TMTC2: variants seen among roughly 807,000 people sequenced by gnomAD.
TMTC2 encodes the protein protein O-mannosyl-transferase TMTC2.
TMTC2 carries 43 observed loss-of-function variants against 82.4 expected under a neutral mutation model. The ratio of observed to expected loss-of-function variants is 0.52; its 90% confidence interval spans 0.41 to 0.67. The LOEUF (loss-of-function observed/expected upper bound fraction) is 0.67. Among genes scored for constraint, TMTC2 ranks in the 30% least tolerant of loss-of-function variants. The probability of loss-of-function intolerance (pLI) is 0.00; values close to 1 mark genes in which losing one functional copy is unlikely to be tolerated. For missense variants in TMTC2, 919 were observed against 1,012.4 expected, an observed-to-expected ratio of 0.91 and a Z score of 1.25; for synonymous variants, 408 against 381.9, an observed-to-expected ratio of 1.07 and a Z score of -0.80.
chr12:82,945,802 C>T (rs1239621075), intron 4 of TMTC2, among the ~76,000 whole-genome samples: 1 of 152,160 alleles, frequency 6.6e-6, no homozygotes, highest in Non-Finnish European at 1.5e-5. Flanking sequence ...TTGTCTTTCA[C>T]TTAATTTACT....
At chr12:82,915,910 A>G (rs1371633432) in intron 3 of TMTC2, among the ~76,000 whole-genome samples, 3 of 152,218 alleles carry the variant, frequency 2.0e-5, no homozygotes, top group Non-Finnish European at 4.4e-5. Context: ...TTAATAATCA[A>G]GACTGCGTAC....
chr12:82,792,983 T>C (rs1878539361), intron 1 of TMTC2, among the ~76,000 whole-genome samples: 1 of 152,144 alleles, frequency 6.6e-6, no homozygotes, highest in Non-Finnish European at 1.5e-5. Flanking sequence ...ATACATGTTG[T>C]CCAGGCGTTC....
rs564155361 is a variant in TMTC2 at position 82,792,012 on chromosome 12, T to C, written c.84-64998T>C. 3.9e-5 allele frequency among the ~76,000 whole-genome samples: 6 copies of C among 152,310 alleles called. 1 individual carries two copies. Among genetic ancestry groups the C allele is most frequent in the South Asian group, 2.1e-4 (1 of 4,830 alleles). ...CATGCTTTGCTAAGCTGTTCTGATT[T>C]AATCAAGAGTGTTTTTTCTTACCCA... On this transcript the variant is annotated intron_variant, in intron 1 of 11. Coordinates refer to ENST00000321196, the MANE Select transcript of TMTC2 (RefSeq NM_152588.3).
At chr12:83,098,082 A>C (rs1342874027) in intron 11 of TMTC2, among the ~76,000 whole-genome samples, 1 of 152,236 alleles carries the variant, frequency 6.6e-6, no homozygotes, top group Non-Finnish European at 1.5e-5. Flanking sequence ...TTGTGGGACA[A>C]ACTGGAAGCA....
At chr12:83,128,602 A>G (rs1359318541) in intron 11 of TMTC2, among the ~76,000 whole-genome samples, 1 of 152,166 alleles carries the variant, frequency 6.6e-6, no homozygotes, top group Non-Finnish European at 1.5e-5. Context: ...TACCTTTAGA[A>G]CAGTGCTTCT....
Position 82,896,216 on chromosome 12 carries a change from A to T in TMTC2, c.1053A>T (p.Gly351=). ...TVTNGKQNAN[G]HSCLSDVEYQ... ...CAAATGGCAAGCAGAATGCAAATGG[A>T]CATAGCTGCCTTTCAGATGTGGAGT... The change falls in exon 3 of 12, where the codon GGA becomes GGT. Residue 351 remains glycine (G), a synonymous_variant. Coordinates refer to ENST00000321196, the MANE Select transcript of TMTC2 (RefSeq NM_152588.3). 6.2e-7 allele frequency: 1 copy of T among 1,614,086 alleles called. No individual in the cohort carries two copies. Among genetic ancestry groups the T allele is most frequent in the Non-Finnish European group, 8.5e-7 (1 of 1,180,026 alleles).
chr12:82,933,972 T>G (rs1385980597), intron 4 of TMTC2, among the ~76,000 whole-genome samples: 1 of 152,228 alleles, frequency 6.6e-6, no homozygotes, highest in East Asian at 1.9e-4. Flanking sequence ...AAGAGTTATA[T>G]TCCATGTTTG....
chr12:82,840,108 C>A (rs377151064), intron 1 of TMTC2, among the ~76,000 whole-genome samples: 2 of 152,278 alleles, frequency 1.3e-5, no homozygotes, highest in East Asian at 3.9e-4. Flanking sequence ...TCCAGGAAGG[C>A]GAGGCAGGTG....
intron 1 of TMTC2, among the ~76,000 whole-genome samples, chr12:82,700,668 T>C (rs1873031592): frequency 6.6e-6 from 1 of 152,208 alleles, no homozygotes; most frequent in Admixed American, 6.5e-5. Flanking sequence ...CAGTGTATAG[T>C]TAATGAAATG....
chr12:83,049,008 C>A (rs1243326605), intron 9 of TMTC2, among the ~76,000 whole-genome samples: 1 of 152,114 alleles, frequency 6.6e-6, no homozygotes, highest in Non-Finnish European at 1.5e-5. Flanking sequence ...AGAGGTATTT[C>A]TTTTTTATTG....
Position 82,857,247 on chromosome 12 carries a change from G to T in TMTC2, c.321G>T (p.Lys107Asn), listed in dbSNP as rs374185450. Reference sequence around the variant, plus strand: ...CTGGTCTCTTCACAAGCTTCTCCAAGATCCTCCTTGGTGATGGATACTGGA... The same window carrying T: ...CTGGTCTCTTCACAAGCTTCTCCAATATCCTCCTTGGTGATGGATACTGGA... ...AVTGLFTSFS[K>N]ILLGDGYWTF... The change falls in exon 2 of 12, where the codon AAG (lysine) becomes AAT (asparagine). Residue 107 changes from lysine (K) to asparagine (N), a missense_variant. By Grantham distance (94) the Lys-to-Asn change is moderately conservative. Transcript: ENST00000321196. The T allele has an allele frequency of 6.2e-7, 1 of 1,614,030 alleles. No individual in the cohort carries two copies. The highest frequency in any genetic ancestry group is 1.3e-5 in the African/African-American group (1 of 74,914).
At chr12:83,094,293 G>A (rs1517820) in intron 11 of TMTC2, among the ~76,000 whole-genome samples, 11,206 of 152,254 alleles carry the variant, frequency 0.074, 487 homozygotes, top group East Asian at 0.22. Flanking sequence ...GAGGAATAGT[G>A]TTTAACCAAG....
intron 2 of TMTC2, among the ~76,000 whole-genome samples, chr12:82,891,599 C>T (rs562028718): frequency 2.0e-5 from 3 of 152,216 alleles, no homozygotes; most frequent in African/African-American, 4.8e-5. Flanking sequence ...TGAGCCACCA[C>T]GCCCAGCCTA....
At chr12:83,000,899 G>A (rs56229537) in intron 8 of TMTC2, among the ~76,000 whole-genome samples, 10,797 of 152,220 alleles carry the variant, frequency 0.071, 530 homozygotes, top group African/African-American at 0.13. Flanking sequence ...AACACCACAT[G>A]GAAGCTGCCA....
At chr12:82,865,788 G>C (rs1301795987) in intron 2 of TMTC2, among the ~76,000 whole-genome samples, 1 of 152,108 alleles carries the variant, frequency 6.6e-6, no homozygotes, top group African/African-American at 2.4e-5. Context: ...AAATGTAAAA[G>C]AACAGAAATT....
At position 82,687,013 on chromosome 12, in the gene TMTC2, A is replaced by G. The variant is rs957829353; in HGVS notation, c.-574A>G. On this transcript the variant is annotated 5_prime_UTR_variant, in exon 1 of 12. Transcript: ENST00000321196. ...GCTGGGGCTGGGAGGGAGCTAATAA[A>G]CATTGAATGTGCAGCAGCTGCCTTG... is the stretch of plus-strand genomic sequence containing the variant. 2 of 157,570 alleles carry G rather than the reference A, an allele frequency of 1.3e-5. No individual in the cohort carries two copies. Among genetic ancestry groups the G allele is most frequent in the African/African-American group, 4.8e-5 (2 of 41,462 alleles). The allele number at this position is 157,570 out of a possible 1,614,324, so 9.8% of individuals were successfully genotyped here.
chr12:82,745,866 T>A (rs1229406423), intron 1 of TMTC2, among the ~76,000 whole-genome samples: 1 of 152,176 alleles, frequency 6.6e-6, no homozygotes, highest in Non-Finnish European at 1.5e-5. Context: ...CCCCTCCCCT[T>A]TTTCTTAAAT....
chr12:82,816,025 A>G (rs1868689938), intron 1 of TMTC2, among the ~76,000 whole-genome samples: 1 of 152,126 alleles, frequency 6.6e-6, no homozygotes. Flanking sequence ...GTGATGGAAC[A>G]TAGTACTTGA....
intron 11 of TMTC2, among the ~76,000 whole-genome samples, chr12:83,078,748 T>G (rs534668544): frequency 8.5e-5 from 13 of 152,326 alleles, no homozygotes; most frequent in African/African-American, 3.1e-4. Flanking sequence ...ATGGTTTTTA[T>G]CTTCACTCTT....
Sources: gnomAD v4.1 joint callset for allele counts (sites outside exome capture counted in the v4.1 genomes callset) on GRCh38, gnomAD v4.1.1 for gene constraint, MANE v1.5 for transcripts, NCBI Gene and HGNC (gene_info 2026-07-23, HGNC 2026-07-21) for gene names.